SBSN: variants seen among roughly 807,000 people sequenced by gnomAD.
SBSN encodes the protein suprabasin, also known as HLAR698.
Under a neutral mutation model 42.8 loss-of-function variants are expected in SBSN, and 33 were observed. The ratio of observed to expected loss-of-function variants is 0.77; its 90% CI spans 0.58 to 1.03. The LOEUF (loss-of-function observed/expected upper bound fraction) is 1.03, where lower values mean the gene tolerates loss of function less well. Among genes scored for constraint, SBSN ranks in the 50% least tolerant of loss-of-function variants. SBSN has a pLI of 0.00. For missense variants in SBSN, 646 were observed against 757.3 expected (o/e 0.85, Z 1.72); for synonymous variants, 276 against 307.0 (o/e 0.90, Z 1.06).
intron 3 of SBSN, 95 bp downstream of exon 3, chr19:35,524,616 G>C: frequency 7.3e-7 from 1 of 1,372,362 alleles, no homozygotes; most frequent in Non-Finnish European, 1.0e-6. Context: ...AGGTCTGCCC[G>C]CCCGGGGAGC....
intron 1 of SBSN, among the ~76,000 whole-genome samples, chr19:35,525,137 C>T (rs2071356193): frequency 6.6e-6 from 1 of 152,178 alleles, no homozygotes; most frequent in African/African-American, 2.4e-5. Flanking sequence ...CCCAAAGCCC[C>T]TTTTAATTTC....
chr19:35,527,664 A>G lies in SBSN; in HGVS notation c.618T>C (p.Phe206=), dbSNP rs753077039. 5 of 1,540,328 alleles carry G rather than the reference A, an allele frequency of 3.2e-6. No individual in the cohort carries two copies. Among genetic ancestry groups the G allele is most frequent in the Non-Finnish European group, 3.5e-6 (4 of 1,151,098 alleles). ...AGQAGNEAGR[F]GQGAHHGLSE... ...TGAGACCATGGTGGGCCCCCTGGCC[A>G]AATCTCCCAGCCTCATTTCCGGCCT... is the stretch of plus-strand genomic sequence containing the variant. The change falls in exon 1 of 4, where the codon TTT becomes TTC. Residue 206 remains phenylalanine (F), a synonymous_variant. Transcript: ENST00000452271.
At chr19:35,525,448 G>A (rs10420102) in intron 1 of SBSN, among the ~76,000 whole-genome samples, 64,300 of 148,272 alleles carry the variant, frequency 0.43, 14,669 homozygotes, top group East Asian at 0.66. Flanking sequence ...CCTCTGCTGC[G>A]CCGTTCCTCC....
Sources: gnomAD v4.1 joint callset for allele counts (sites outside exome capture counted in the v4.1 genomes callset) on GRCh38, gnomAD v4.1.1 for gene constraint, MANE v1.5 for transcripts, NCBI Gene and HGNC (gene_info 2026-07-23, HGNC 2026-07-21) for gene names.